ARHGAP20: variants seen among roughly 807,000 people sequenced by gnomAD.
ARHGAP20 encodes the protein rho GTPase-activating protein 20.
A neutral mutation model predicts 73.7 loss-of-function variants in ARHGAP20; 34 were observed. The ratio of observed to expected loss-of-function variants is 0.46; its 90% CI spans 0.35 to 0.61. The LOEUF (loss-of-function observed/expected upper bound fraction) is 0.61. Ranked by LOEUF, ARHGAP20 falls within the 20% of genes least tolerant of loss-of-function variation. The pLI is 0.00. For missense variants in ARHGAP20, 1,314 were observed against 1,420.9 expected (o/e 0.92, Z 1.21); for synonymous variants, 523 against 518.2 (o/e 1.01, Z -0.13).
intron 2 of ARHGAP20, among the ~76,000 whole-genome samples, chr11:110,643,955 A>G (rs557700701): frequency 6.4e-4 from 98 of 152,252 alleles, no homozygotes; most frequent in African/African-American, 2.1e-3. Context: ...GTGTAGACTT[A>G]AAATAGTTAA....
chr11:110,583,605 A>G lies in ARHGAP20; in HGVS notation c.1548T>C (p.Ser516=). 1 of 1,612,692 alleles carries G rather than the reference A, an allele frequency of 6.2e-7. No homozygotes were observed. The highest frequency in any genetic ancestry group is 8.5e-7 in the Non-Finnish European group (1 of 1,179,060). ...TGGAGGAAGCAGGAGGCCAAAGAATACTTGGAGCGACACACACAGCTAAAT... is the reference window on the plus strand; with the variant it reads ...TGGAGGAAGCAGGAGGCCAAAGAATGCTTGGAGCGACACACACAGCTAAAT... The part of the protein sequence containing the change: ...AFNLAVCVAP[S]ILWPPASSSP... Residue 516 remains serine, a synonymous_variant, in exon 13 of 15, where the codon AGT becomes AGC. Transcript: ENST00000683387.
intron 9 of ARHGAP20, 65 bp from the exon 10 acceptor site, chr11:110,592,220 C>T (rs1947846913): frequency 6.9e-7 from 1 of 1,455,238 alleles, no homozygotes; most frequent in Non-Finnish European, 9.4e-7. Context: ...TCTATAACTT[C>T]CATTTTATGG....
intron 2 of ARHGAP20, among the ~76,000 whole-genome samples, chr11:110,648,210 A>AATATATATAT (rs1242747967): frequency 7.9e-5 from 9 of 113,330 alleles, no homozygotes; most frequent in Non-Finnish European, 1.6e-4. Flanking sequence ...TATATATGTA[A>AATATATATAT]ATATATATAT....
intron 13 of ARHGAP20, 71 bp downstream of exon 13, chr11:110,583,477 G>C (rs561687928): frequency 1.5e-6 from 2 of 1,313,866 alleles, no homozygotes; most frequent in Admixed American, 2.7e-5. Context: ...TCATCTTTTA[G>C]AATACCCCAA....
At chr11:110,618,161 G>GA (rs113478342) in intron 4 of ARHGAP20, among the ~76,000 whole-genome samples, 21,294 of 151,854 alleles carry the variant, frequency 0.14, 2,269 homozygotes, top group African/African-American at 0.29. Context: ...TCTGGGCATA[G>GA]AAAAAAATGT....
At chr11:110,712,996 A>T (rs895840637), upstream of ARHGAP20, 2 of 152,346 alleles carry the variant, frequency 1.3e-5, no homozygotes, top group Middle Eastern at 3.4e-3. Context: ...GCAATCCCGA[A>T]CGCTAGCCTG....
At position 110,606,541 on chromosome 11, in the gene ARHGAP20, T is replaced by A. The variant is rs1200437889; in HGVS notation, c.964+20A>T. ...TAAATTTATGTTCAAGAACGAAAAC[T>A]TTTGCTAGAAGCAACTCACCACTCA... On this transcript the variant is annotated intron_variant, in intron 9 of 14. Transcript: ENST00000683387. 8 of 1,596,578 alleles carry A rather than the reference T, an allele frequency of 5.0e-6. No individual in the cohort carries two copies. In the South Asian group the frequency reaches 6.7e-5, roughly 13 times the overall value.
chr11:110,710,468 G>C (rs141287985), intron 1 of ARHGAP20, among the ~76,000 whole-genome samples: 337 of 152,022 alleles, frequency 2.2e-3, no homozygotes, highest in African/African-American at 7.9e-3. Context: ...AAACTGTTCA[G>C]AAAAATAAAT....
At chr11:110,691,392 G>C (rs1452606718) in intron 1 of ARHGAP20, among the ~76,000 whole-genome samples, 1 of 152,072 alleles carries the variant, frequency 6.6e-6, no homozygotes, top group African/African-American at 2.4e-5. Context: ...CATGAGCGAA[G>C]TTCAGGCTGT....
Position 110,583,737 on chromosome 11 carries a change from C to A in ARHGAP20, c.1416G>T (p.Arg472Ser). ...NDEEKINTVQ[R>S]LLDQLPRANV... Reference sequence around the variant, plus strand: ...TGGCTCTCGGAAGCTGGTCTAATAGCCTAAAGACAGAAAAATTACTCTTTA... The same window carrying A: ...TGGCTCTCGGAAGCTGGTCTAATAGACTAAAGACAGAAAAATTACTCTTTA... The change falls in exon 13 of 15, where the codon AGG (arginine) becomes AGT (serine). Residue 472 changes from arginine (R) to serine (S), a missense_variant and splice_region_variant. Arg to Ser is a moderately radical substitution (Grantham distance 110). Around this residue, in one of 3 missense-constraint regions of ARHGAP20, gnomAD observed 230 missense variants for 317.6 expected, o/e 0.72. Coordinates refer to ENST00000683387, the MANE Select transcript of ARHGAP20 (RefSeq NM_001384657.1). The A allele has an allele frequency of 3.2e-6, 5 of 1,540,120 alleles. No homozygotes were observed. Among genetic ancestry groups the A allele is most frequent in the South Asian group, 2.5e-5 (2 of 80,800 alleles).
intron 1 of ARHGAP20, among the ~76,000 whole-genome samples, chr11:110,692,393 C>T (rs1447011294): frequency 6.6e-6 from 1 of 152,060 alleles, no homozygotes; most frequent in African/African-American, 2.4e-5. Flanking sequence ...GAATTAATTC[C>T]TACTCTCTAT....
chr11:110,583,485 C>A, intron 13 of ARHGAP20, 63 bp downstream of exon 13: 1 of 1,368,440 alleles, frequency 7.3e-7, no homozygotes, highest in Non-Finnish European at 9.8e-7. Flanking sequence ...TAGAATACCC[C>A]AAATTTCAGT....
chr11:110,688,748 G>A (rs999353897), intron 2 of ARHGAP20, among the ~76,000 whole-genome samples: 17 of 152,128 alleles, frequency 1.1e-4, no homozygotes, highest in East Asian at 5.8e-4. Flanking sequence ...ATATATTACC[G>A]TATTTTTATT....
chr11:110,579,020 G>C lies in ARHGAP20; in HGVS notation c.*350C>G. ...CCTCAGGCCCCTATTCCTCATTCCT[G>C]ATATCTTGGTCTTCTCAGGACATCA... On this transcript the variant is annotated 3_prime_UTR_variant, in exon 15 of 15. Transcript: ENST00000683387. The C allele has an allele frequency of 1.0e-6, 1 of 1,000,492 alleles. No individual in the cohort carries two copies. The highest frequency in any genetic ancestry group is 5.2e-4 in the Middle Eastern group (1 of 1,934). 62.0% of individuals were successfully genotyped at this position (1,000,492 alleles called of 1,614,324 possible). A position where few individuals can be genotyped will look rare whatever the true frequency, so the allele number is the denominator to read the frequency against.
At chr11:110,691,062 G>A in intron 1 of ARHGAP20, 1 of 1,413,566 alleles carries the variant, frequency 7.1e-7, no homozygotes. Context: ...ACAAGTAAAG[G>A]AGAGGAAAAA....
intron 2 of ARHGAP20, among the ~76,000 whole-genome samples, chr11:110,632,966 C>CAA (rs1948890050): frequency 6.6e-6 from 1 of 152,122 alleles, no homozygotes. Context: ...ATGTTTCTGA[C>CAA]AAAAAGTTTT....
Position 110,699,537 on chromosome 11 carries a change from G to A in ARHGAP20, c.106-8908C>T, listed in dbSNP as rs935789060. Among the ~76,000 whole-genome samples the A allele has an allele frequency of 9.9e-5, 15 of 151,974 alleles. No individual in the cohort carries two copies. The East Asian group carries it at 2.9e-3, about 29-fold the overall frequency. On this transcript the variant is annotated intron_variant, in intron 1 of 14. Coordinates refer to ENST00000683387, the MANE Select transcript of ARHGAP20 (RefSeq NM_001384657.1). ...CCACTATTACTGTATTACTATCAAT[G>A]TTTTCTTAGGTGTAGTAGTATTTGT...
At chr11:110,583,406 C>A in intron 13 of ARHGAP20, 142 bp downstream of exon 13, 1 of 717,636 alleles carries the variant, frequency 1.4e-6, no homozygotes, top group Non-Finnish European at 2.2e-6. Flanking sequence ...ATTCACTTTC[C>A]TATAGTCTAC....
At position 110,578,112 on chromosome 11, in the gene ARHGAP20, G is replaced by C; in HGVS notation, c.*1258C>G. The C allele has an allele frequency of 1.0e-6, 1 of 985,424 alleles. No individual in the cohort carries two copies. The highest frequency in any genetic ancestry group is 1.2e-6 in the Non-Finnish European group (1 of 829,956). 61.0% of individuals were successfully genotyped at this position (985,424 alleles called of 1,614,324 possible). A position where few individuals can be genotyped will look rare whatever the true frequency, so the allele number is the denominator to read the frequency against. ...GCCTGATAATCTATTCCTAGGTGAC[G>C]AGATGTACTGCTGCAACCTTTAAGT... is the stretch of plus-strand genomic sequence containing the variant. On this transcript the variant is annotated 3_prime_UTR_variant, in exon 15 of 15. Transcript: ENST00000683387.
Sources: allele counts gnomAD v4.1 joint callset (sites outside exome capture counted in the v4.1 genomes callset), GRCh38; gene constraint gnomAD v4.1.1; regional missense constraint gnomAD v4.1.1; transcripts MANE v1.5; gene names NCBI Gene and HGNC (gene_info 2026-07-23, HGNC 2026-07-21).